PEX5L: variants seen among roughly 807,000 people sequenced by gnomAD.
The protein encoded by PEX5L is PEX5-related protein.
A neutral mutation model predicts 84.0 loss-of-function variants in PEX5L; 30 were observed. The ratio of observed to expected loss-of-function variants is 0.36; its 90% confidence interval spans 0.27 to 0.48. The LOEUF is 0.48. Ranked by LOEUF, PEX5L falls within the 20% of genes least tolerant of loss-of-function variation. PEX5L has a pLI of 0.99. For synonymous variants in PEX5L, 270 were observed against 283.1 expected (o/e 0.95, Z 0.46); for missense variants, 533 against 754.6 (o/e 0.71, Z 3.44).
At chr3:179,931,734 C>A (rs114628556) in intron 2 of PEX5L, among the ~76,000 whole-genome samples, 2,763 of 152,140 alleles carry the variant, frequency 0.018, 104 homozygotes, top group African/African-American at 0.063. Context: ...CCAATTAACT[C>A]GAATGTTAAC....
At chr3:179,857,975 TAA>T (rs1289566512) in intron 8 of PEX5L, among the ~76,000 whole-genome samples, 1 of 152,122 alleles carries the variant, frequency 6.6e-6, no homozygotes, top group Non-Finnish European at 1.5e-5. Flanking sequence ...TGTGGTGAAA[TAA>T]AAGTGTTCTC....
At chr3:179,963,285 C>A (rs748836262) in intron 2 of PEX5L, among the ~76,000 whole-genome samples, 1 of 152,164 alleles carries the variant, frequency 6.6e-6, no homozygotes, top group Non-Finnish European at 1.5e-5. Flanking sequence ...TAAACACAGT[C>A]CTGCATAGGT....
chr3:180,036,715 C>A lies in PEX5L; in HGVS notation c.-116G>T. On this transcript the variant is annotated 5_prime_UTR_variant, in exon 1 of 15. It adds an upstream start codon to the 5' untranslated region. Transcript: ENST00000467460. ...CACAGCGGGTTCTCAGAGGGTGCTC[C>A]TGAGCCCCCTGGAGCTCCGGGTACT... The A allele has an allele frequency of 9.7e-6, 11 of 1,135,030 alleles. No homozygotes were observed. The highest frequency in any genetic ancestry group is 1.5e-5 in the Non-Finnish European group (11 of 747,142). 70.3% of individuals were successfully genotyped at this position (1,135,030 alleles called of 1,614,324 possible). A position where few individuals can be genotyped will look rare whatever the true frequency, so the allele number is the denominator to read the frequency against.
At chr3:179,947,973 T>C (rs1269997759) in intron 2 of PEX5L, among the ~76,000 whole-genome samples, 5 of 152,138 alleles carry the variant, frequency 3.3e-5, no homozygotes, top group Admixed American at 2.0e-4. Context: ...CCCAAAGTGC[T>C]GGGATTACAG....
chr3:179,919,128 A>G (rs1483031155), intron 2 of PEX5L, among the ~76,000 whole-genome samples: 1 of 152,144 alleles, frequency 6.6e-6, no homozygotes. Context: ...GTAAAGTGGA[A>G]AAGCAAGGTC....
chr3:179,812,925 C>CA (rs1376135287), intron 10 of PEX5L, among the ~76,000 whole-genome samples: 2 of 151,892 alleles, frequency 1.3e-5, no homozygotes, highest in African/African-American at 4.8e-5. Flanking sequence ...CGTTTTAAAA[C>CA]AAAACTCTAT....
intron 4 of PEX5L, among the ~76,000 whole-genome samples, chr3:179,885,949 A>G (rs1299542882): frequency 6.6e-6 from 1 of 152,212 alleles, no homozygotes; most frequent in Admixed American, 6.5e-5. Context: ...ACTAATACAG[A>G]GGGCAACATT....
At chr3:179,850,796 G>C (rs1045258448) in intron 8 of PEX5L, among the ~76,000 whole-genome samples, 2 of 152,156 alleles carry the variant, frequency 1.3e-5, no homozygotes, top group Non-Finnish European at 2.9e-5. Flanking sequence ...ATGGTTTAAG[G>C]AATGTTTAAT....
At chr3:179,971,962 A>ACTT (rs1784876333) in intron 1 of PEX5L, among the ~76,000 whole-genome samples, 1 of 152,110 alleles carries the variant, frequency 6.6e-6, no homozygotes, top group South Asian at 2.1e-4. Context: ...ATTCTTTAAC[A>ACTT]CTTTGGGATA....
intron 1 of PEX5L, among the ~76,000 whole-genome samples, chr3:180,031,199 T>C (rs2108364215): frequency 6.6e-6 from 1 of 152,330 alleles, no homozygotes; most frequent in Non-Finnish European, 1.5e-5. Flanking sequence ...TGAGCAATTG[T>C]CTTGATAGTT....
intron 2 of PEX5L, among the ~76,000 whole-genome samples, chr3:179,903,789 T>A (rs1762231613): frequency 6.6e-6 from 1 of 152,252 alleles, no homozygotes; most frequent in South Asian, 2.1e-4. Context: ...CCTGTAGATT[T>A]CTTCCAACAC....
intron 8 of PEX5L, among the ~76,000 whole-genome samples, chr3:179,844,762 A>G (rs1017822836): frequency 6.6e-6 from 1 of 152,138 alleles, no homozygotes; most frequent in Admixed American, 6.5e-5. Context: ...CCCGGGAGGC[A>G]GAGCTTGCAG....
intron 2 of PEX5L, among the ~76,000 whole-genome samples, chr3:179,951,768 C>A (rs1779148914): frequency 6.6e-6 from 1 of 152,126 alleles, no homozygotes; most frequent in Non-Finnish European, 1.5e-5. Context: ...TTTGTAAGTA[C>A]ATAGAGTGTA....
At chr3:180,023,659 C>G (rs1177886824) in intron 1 of PEX5L, among the ~76,000 whole-genome samples, 2 of 152,054 alleles carry the variant, frequency 1.3e-5, no homozygotes, top group Non-Finnish European at 2.9e-5. Flanking sequence ...AAGAGACCAT[C>G]CTCTATAAAA....
At chr3:179,976,317 A>AG (rs1373618702) in intron 1 of PEX5L, among the ~76,000 whole-genome samples, 1 of 152,236 alleles carries the variant, frequency 6.6e-6, no homozygotes, top group African/African-American at 2.4e-5. Context: ...TAACGACTTC[A>AG]GGAACAGAAG....
At chr3:179,830,660 C>T (rs1732498696) in intron 8 of PEX5L, among the ~76,000 whole-genome samples, 1 of 152,130 alleles carries the variant, frequency 6.6e-6, no homozygotes, top group African/African-American at 2.4e-5. Flanking sequence ...GATTTATTGG[C>T]CTATGAGGAT....
intron 12 of PEX5L, among the ~76,000 whole-genome samples, chr3:179,809,015 A>G (rs1267024431): frequency 7.6e-6 from 1 of 131,742 alleles, no homozygotes; most frequent in African/African-American, 2.9e-5. Flanking sequence ...CGGAGCTTGC[A>G]GTGAGCCGAG....
At chr3:179,963,776 G>C (rs973076178) in intron 2 of PEX5L, among the ~76,000 whole-genome samples, 2 of 151,974 alleles carry the variant, frequency 1.3e-5, no homozygotes, top group Non-Finnish European at 2.9e-5. Flanking sequence ...CCTCTACTGG[G>C]GCCAGCTCCC....
At chr3:179,898,339 C>T (rs1760061740) in intron 2 of PEX5L, 93 bp from the exon 3 acceptor site, 1 of 861,424 alleles carries the variant, frequency 1.2e-6, no homozygotes, top group Non-Finnish European at 1.8e-6. Context: ...AGCAATCCAA[C>T]ATAAATGAAG....
Sources: allele counts gnomAD v4.1 joint callset (sites outside exome capture counted in the v4.1 genomes callset), GRCh38; gene constraint gnomAD v4.1.1; transcripts MANE v1.5; gene names NCBI Gene and HGNC (gene_info 2026-07-23, HGNC 2026-07-21).